Variants in AP2B1 observed in about 807,000 individuals in gnomAD.
AP2B1 encodes AP-2 complex subunit beta.
Under a neutral mutation model 102.0 loss-of-function variants are expected in AP2B1, and 23 were observed. The ratio of observed to expected loss-of-function variants is 0.23; its 90% CI spans 0.16 to 0.32. The LOEUF (loss-of-function observed/expected upper bound fraction) is 0.32. AP2B1 is among the 10% of genes least tolerant of loss of function. AP2B1 has a pLI of 1.00. For synonymous variants in AP2B1, 381 were observed against 421.2 expected (o/e 0.90, Z 1.17); for missense variants, 541 against 1,157.4 (o/e 0.47, Z 7.73).
At chr17:35,624,642 T>C in intron 6 of AP2B1, 55 bp downstream of exon 6, 1 of 1,517,328 alleles carries the variant, frequency 6.6e-7, no homozygotes, top group East Asian at 2.3e-5. Flanking sequence ...CAGTAAGTTC[T>C]GGAGTCTGCT....
chr17:35,692,486 G>T (rs587633249), intron 18 of AP2B1, among the ~76,000 whole-genome samples: 3 of 152,140 alleles, frequency 2.0e-5, no homozygotes, highest in Admixed American at 1.3e-4. Flanking sequence ...AATTCTGGAC[G>T]TAAAATAGCT....
At chr17:35,667,365 A>C (rs929030017) in intron 14 of AP2B1, among the ~76,000 whole-genome samples, 2 of 152,174 alleles carry the variant, frequency 1.3e-5, no homozygotes, top group Admixed American at 6.5e-5. Context: ...AATTAGGTGA[A>C]CCTTTGTATC....
At chr17:35,674,360 A>G (rs925760334) in intron 17 of AP2B1, 39 bp downstream of exon 17, 49 of 1,610,280 alleles carry the variant, frequency 3.0e-5, no homozygotes, top group Non-Finnish European at 4.0e-5. Context: ...TTGAGACAAC[A>G]GTTTGCCTTA....
chr17:35,665,420 C>T (rs1374353814), intron 14 of AP2B1, among the ~76,000 whole-genome samples: 1 of 152,086 alleles, frequency 6.6e-6, no homozygotes, highest in Non-Finnish European at 1.5e-5. Context: ...GCCACTATGC[C>T]CAGCCTTGAA....
intron 3 of AP2B1, among the ~76,000 whole-genome samples, chr17:35,605,257 T>TG (rs2073634271): frequency 2.6e-5 from 4 of 151,330 alleles, no homozygotes; most frequent in African/African-American, 9.7e-5. Context: ...TTTTTCCTTT[T>TG]TTTTTTAGAC....
intron 12 of AP2B1, among the ~76,000 whole-genome samples, chr17:35,648,157 A>G (rs1381784869): frequency 1.3e-5 from 2 of 152,202 alleles, no homozygotes; most frequent in East Asian, 1.9e-4. Flanking sequence ...GCCATCATAT[A>G]GACATACTTT....
intron 3 of AP2B1, among the ~76,000 whole-genome samples, chr17:35,604,366 C>T (rs542294280): frequency 1.1e-4 from 16 of 152,136 alleles, no homozygotes; most frequent in African/African-American, 3.6e-4. Flanking sequence ...ACCATGGCCT[C>T]GCAAAGTGCT....
intron 18 of AP2B1, among the ~76,000 whole-genome samples, chr17:35,695,374 A>G (rs1292480988): frequency 1.3e-4 from 20 of 152,090 alleles, no homozygotes; most frequent in Admixed American, 1.3e-3. Context: ...GAACAGATGC[A>G]GTGTATCTTA....
At chr17:35,640,219 T>G (rs56036930) in intron 11 of AP2B1, among the ~76,000 whole-genome samples, 1,611 of 130,644 alleles carry the variant, frequency 0.012, 16 homozygotes, top group Middle Eastern at 0.059. Flanking sequence ...GCCTGGCCAG[T>G]TTTACTGATT....
intron 16 of AP2B1, among the ~76,000 whole-genome samples, chr17:35,673,389 A>G (rs1039502595): frequency 3.3e-5 from 5 of 151,694 alleles, no homozygotes; most frequent in African/African-American, 4.8e-5. Context: ...GGGTTTCACT[A>G]TGTTAGCCAG....
chr17:35,624,692 G>A (rs187416301), intron 6 of AP2B1, 105 bp downstream of exon 6: 4 of 995,986 alleles, frequency 4.0e-6, no homozygotes, highest in Admixed American at 2.8e-5. Context: ...TGGCTTCTGG[G>A]GTAGATATTG....
chr17:35,645,777 A>G (rs1284918353), intron 12 of AP2B1, among the ~76,000 whole-genome samples: 1 of 152,200 alleles, frequency 6.6e-6, no homozygotes, highest in Non-Finnish European at 1.5e-5. Context: ...TGAACCCGGG[A>G]GGCAGAGGTT....
At chr17:35,596,710 C>G (rs547791014) in intron 2 of AP2B1, among the ~76,000 whole-genome samples, 3 of 152,276 alleles carry the variant, frequency 2.0e-5, no homozygotes, top group South Asian at 2.1e-4. Flanking sequence ...TCCAGCTGCC[C>G]GGTGTAGAAG....
intron 13 of AP2B1, among the ~76,000 whole-genome samples, chr17:35,651,882 A>T (rs144837235): frequency 6.6e-6 from 1 of 152,172 alleles, no homozygotes; most frequent in Non-Finnish European, 1.5e-5. Context: ...AACATGTTTA[A>T]CATTCTATAG....
intron 12 of AP2B1, among the ~76,000 whole-genome samples, chr17:35,645,033 GA>G (rs753551246): frequency 1.1e-3 from 155 of 142,464 alleles, no homozygotes; most frequent in Non-Finnish European, 1.6e-3. Context: ...CTCTGTCTCG[GA>G]AAAAAAAAAA....
At chr17:35,630,404 A>G (rs1222813211) in intron 9 of AP2B1, among the ~76,000 whole-genome samples, 1 of 152,034 alleles carries the variant, frequency 6.6e-6, no homozygotes, top group Non-Finnish European at 1.5e-5. Context: ...TTTTCTTTTT[A>G]CGTTAACATA....
intron 9 of AP2B1, among the ~76,000 whole-genome samples, chr17:35,632,337 G>A (rs961963040): frequency 2.0e-5 from 3 of 152,092 alleles, no homozygotes; most frequent in African/African-American, 7.2e-5. Context: ...GTTTCACCAT[G>A]TTGGCTATGC....
At chr17:35,590,322 G>A (rs1240061161) in intron 1 of AP2B1, among the ~76,000 whole-genome samples, 1 of 152,104 alleles carries the variant, frequency 6.6e-6, no homozygotes, top group Non-Finnish European at 1.5e-5. Context: ...TATATGAGGT[G>A]AGAACTCATT....
In AP2B1 at chr17:35,662,389, A is replaced by T. The variant is rs79414952; in HGVS notation, c.1989+4598A>T. ...CTTTGATGTGGAGTAAATTCAAGTA[A>T]TGTAGTTTATGCAGTTGATCTGCTC... On this transcript the variant is annotated intron_variant, in intron 14 of 21. Coordinates refer to ENST00000610402, the MANE Select transcript of AP2B1 (RefSeq NM_001030006.2). Among the ~76,000 whole-genome samples the T allele has an allele frequency of 4.0e-3, 611 of 152,230 alleles. 6 individuals carry two copies. Among genetic ancestry groups the T allele is most frequent in the African/African-American group, 0.014 (581 of 41,540 alleles).
Sources: gnomAD v4.1 joint callset for allele counts (sites outside exome capture counted in the v4.1 genomes callset) on GRCh38, gnomAD v4.1.1 for gene constraint, MANE v1.5 for transcripts, NCBI Gene and HGNC (gene_info 2026-07-23, HGNC 2026-07-21) for gene names.